TNFAIP8: variants seen among roughly 807,000 people sequenced by gnomAD.
TNFAIP8 encodes tumor necrosis factor alpha-induced protein 8.
In TNFAIP8, 7 loss-of-function variants were observed where a neutral mutation model predicts 13.3. That is an observed-to-expected ratio of 0.52 (90% CI 0.30 to 0.99). The LOEUF (loss-of-function observed/expected upper bound fraction) is 0.99, where lower values mean the gene tolerates loss of function less well. Among genes scored for constraint, TNFAIP8 ranks in the 50% least tolerant of loss-of-function variants. The pLI is 0.07. For missense variants in TNFAIP8, 258 were observed against 236.9 expected, an observed-to-expected ratio of 1.09 and a Z score of -0.58; for synonymous variants, 94 against 87.6, an observed-to-expected ratio of 1.07 and a Z score of -0.41.
chr5:119,317,004 G>GCCATATACAT (rs1201973379), intron 1 of TNFAIP8, among the ~76,000 whole-genome samples: 1 of 152,164 alleles, frequency 6.6e-6, no homozygotes, highest in African/African-American at 2.4e-5. Flanking sequence ...AGAAAAATCA[G>GCCATATACAT]GCTGAAGAAA....
At chr5:119,283,253 A>G (rs984927415) in intron 1 of TNFAIP8, among the ~76,000 whole-genome samples, 12 of 152,172 alleles carry the variant, frequency 7.9e-5, no homozygotes, top group South Asian at 2.1e-4. Flanking sequence ...GAGGATCCCA[A>G]TCACATGTAA....
At position 119,392,840 on chromosome 5, in the gene TNFAIP8, A is replaced by G. The variant is rs1752947288; in HGVS notation, c.56A>G (p.Lys19Arg). The change falls in exon 2 of 2, where the codon AAA becomes AGA. Residue 19 changes from lysine to arginine, a missense_variant. Lys to Arg is a conservative substitution (Grantham distance 26). Transcript: ENST00000504771. ...GTGGCCACAGATGTCTTTAATTCCA[A>G]AAACCTGGCCGTTCAGGCACAAAAG... ...KEVATDVFNS[K>R]NLAVQAQKKI... The G allele has an allele frequency of 6.4e-7, 1 of 1,550,652 alleles. No individual in the cohort carries two copies. The highest frequency in any genetic ancestry group is 1.4e-5 in the African/African-American group (1 of 72,742).
intron 1 of TNFAIP8, among the ~76,000 whole-genome samples, chr5:119,301,613 T>G (rs939480239): frequency 3.3e-5 from 5 of 152,210 alleles, no homozygotes; most frequent in African/African-American, 9.6e-5. Context: ...TAGCACGAGG[T>G]AGGCCCTCAG....
intron 1 of TNFAIP8, among the ~76,000 whole-genome samples, chr5:119,378,568 T>G (rs935655083): frequency 4.6e-5 from 7 of 152,112 alleles, no homozygotes; most frequent in Non-Finnish European, 2.9e-5. Flanking sequence ...GGCCAAGAGG[T>G]TACTGCTCCT....
chr5:119,398,024 C>T lies in TNFAIP8; in HGVS notation c.*4643C>T, dbSNP rs1013041749. On this transcript the variant is annotated 3_prime_UTR_variant, in exon 2 of 2. Transcript: ENST00000504771. ...TGAGAAAGGATATGGACAAGTCAGT[C>T]AGCATTCACAATTAAGAGAAAAACA... 2 of 152,222 alleles carry T rather than the reference C, an allele frequency of 1.3e-5. No homozygotes were observed. Among genetic ancestry groups the T allele is most frequent in the African/African-American group, 4.8e-5 (2 of 41,456 alleles). 9.4% of individuals were successfully genotyped at this position (152,222 alleles called of 1,614,324 possible).
chr5:119,382,503 C>CAT (rs1162062455), intron 1 of TNFAIP8, among the ~76,000 whole-genome samples: 2 of 152,164 alleles, frequency 1.3e-5, no homozygotes, highest in African/African-American at 4.8e-5. Flanking sequence ...AAGACCTGAT[C>CAT]ATAAGACCTG....
intron 1 of TNFAIP8, among the ~76,000 whole-genome samples, chr5:119,293,768 C>T (rs750579499): frequency 6.6e-6 from 1 of 152,058 alleles, no homozygotes; most frequent in South Asian, 2.1e-4. Context: ...ACAAGATTGG[C>T]AAAATACTGG....
intron 1 of TNFAIP8, among the ~76,000 whole-genome samples, chr5:119,341,254 A>G (rs574729347): frequency 9.2e-5 from 14 of 152,138 alleles, no homozygotes; most frequent in Non-Finnish European, 1.3e-4. Context: ...ATGTTAGTCT[A>G]TATAAGTCAA....
intron 1 of TNFAIP8, among the ~76,000 whole-genome samples, chr5:119,357,405 A>T (rs1033024675): frequency 1.3e-5 from 2 of 152,082 alleles, no homozygotes; most frequent in African/African-American, 2.4e-5. Flanking sequence ...AGTTTATTCA[A>T]AGTCAAAGGT....
chr5:119,387,321 C>T (rs1173486953), intron 1 of TNFAIP8, among the ~76,000 whole-genome samples: 1 of 152,140 alleles, frequency 6.6e-6, no homozygotes, highest in East Asian at 1.9e-4. Context: ...CTTTTATTAA[C>T]AGACAACAGC....
intron 1 of TNFAIP8, among the ~76,000 whole-genome samples, chr5:119,296,176 G>A (rs554330001): frequency 8.5e-4 from 129 of 151,168 alleles, no homozygotes; most frequent in African/African-American, 3.0e-3. Flanking sequence ...GAATAGGAGT[G>A]GTGAGAGAGG....
chr5:119,271,469 C>G (rs1045983578), intron 1 of TNFAIP8, among the ~76,000 whole-genome samples: 1 of 152,212 alleles, frequency 6.6e-6, no homozygotes, highest in African/African-American at 2.4e-5. Context: ...TTTGATCTAC[C>G]TCATGTAGAA....
intron 1 of TNFAIP8, among the ~76,000 whole-genome samples, chr5:119,368,646 C>G (rs899164776): frequency 6.6e-6 from 1 of 152,070 alleles, no homozygotes; most frequent in Non-Finnish European, 1.5e-5. Context: ...AGAAACTGTG[C>G]CAGGGAAAGA....
intron 1 of TNFAIP8, among the ~76,000 whole-genome samples, chr5:119,278,495 C>T (rs529828536): frequency 5.9e-4 from 89 of 151,436 alleles, no homozygotes; most frequent in Non-Finnish European, 5.4e-4. Flanking sequence ...GGAGTAAAAT[C>T]TTTCCTGGAG....
intron 1 of TNFAIP8, among the ~76,000 whole-genome samples, chr5:119,320,430 A>C (rs1222408199): frequency 6.6e-6 from 1 of 152,166 alleles, no homozygotes; most frequent in East Asian, 1.9e-4. Flanking sequence ...TATTCAATGT[A>C]GCCTTCCAGC....
exon 1 of TNFAIP8, chr5:119,268,833 G>A: frequency 2.8e-6 from 2 of 702,724 alleles, no homozygotes; most frequent in Non-Finnish European, 5.2e-6. Context: ...GCCACCGAGA[G>A]AGCAGAGAAC....
intron 1 of TNFAIP8, among the ~76,000 whole-genome samples, chr5:119,331,963 T>A (rs1301537088): frequency 6.6e-6 from 1 of 152,202 alleles, no homozygotes; most frequent in Non-Finnish European, 1.5e-5. Context: ...GAGCTTTCTC[T>A]TGACATCTTC....
At chr5:119,328,815 TTTTATTACGA>T (rs1471435309) in intron 1 of TNFAIP8, among the ~76,000 whole-genome samples, 8 of 152,324 alleles carry the variant, frequency 5.3e-5, no homozygotes, top group African/African-American at 1.9e-4. Flanking sequence ...TAGTTTAGTA[TTTTATTACGA>T]GGGATCATGT....
chr5:119,384,996 C>T (rs981989817), intron 1 of TNFAIP8, among the ~76,000 whole-genome samples: 1 of 152,088 alleles, frequency 6.6e-6, no homozygotes, highest in African/African-American at 2.4e-5. Flanking sequence ...GAAGAGATTC[C>T]AGAATTAAAG....
Sources: allele counts gnomAD v4.1 joint callset (sites outside exome capture counted in the v4.1 genomes callset), GRCh38; gene constraint gnomAD v4.1.1; transcripts MANE v1.5; gene names NCBI Gene and HGNC (gene_info 2026-07-23, HGNC 2026-07-21).